Variants in AKT2 observed in about 807,000 individuals in gnomAD.
AKT2 encodes RAC-beta serine/threonine-protein kinase.
A neutral mutation model predicts 58.6 loss-of-function variants in AKT2; 16 were observed. The ratio of observed to expected loss-of-function variants is 0.27; its 90% CI spans 0.18 to 0.41. The LOEUF is 0.41. Among genes scored for constraint, AKT2 ranks in the 10% least tolerant of loss-of-function variants. The probability of loss-of-function intolerance (pLI) is 1.00; values close to 1 mark genes in which losing one functional copy is unlikely to be tolerated. For synonymous variants in AKT2, 253 were observed against 254.0 expected (o/e 1.00, Z 0.04); for missense variants, 438 against 661.0 (o/e 0.66, Z 3.70).
intron 1 of AKT2, chr19:40,282,941 C>T (rs1430942416): frequency 5.9e-6 from 1 of 168,198 alleles, no homozygotes; most frequent in African/African-American, 2.4e-5. Context: ...AGCTATGAGA[C>T]CTCTGGGAAA....
At chr19:40,267,381 C>T (rs938631934) in intron 1 of AKT2, among the ~76,000 whole-genome samples, 1 of 152,158 alleles carries the variant, frequency 6.6e-6, no homozygotes, top group Non-Finnish European at 1.5e-5. Flanking sequence ...AGCCTCTCCG[C>T]CCTACCTGAC....
At chr19:40,275,944 G>A (rs561268428) in intron 1 of AKT2, among the ~76,000 whole-genome samples, 1 of 151,492 alleles carries the variant, frequency 6.6e-6, no homozygotes, top group East Asian at 1.9e-4. Flanking sequence ...CCCGGGAGGC[G>A]GCGGTTGTAG....
intron 6 of AKT2, 189 bp from the exon 7 acceptor site, chr19:40,240,299 G>C (rs989003101): frequency 7.7e-6 from 6 of 775,662 alleles, no homozygotes; most frequent in Non-Finnish European, 1.2e-5. Context: ...GATCATCAGT[G>C]GCTCTCAAAG....
Position 40,231,702 on chromosome 19 carries a change from C to G in AKT2, c.*2170G>C. 1 of 233,492 alleles carries G rather than the reference C, an allele frequency of 4.3e-6. No homozygotes were observed. The highest frequency in any genetic ancestry group is 5.6e-5 in the Admixed American group (1 of 17,806). 14.5% of individuals were successfully genotyped at this position (233,492 alleles called of 1,614,324 possible). A position where few individuals can be genotyped will look rare whatever the true frequency, so the allele number is the denominator to read the frequency against. Reference sequence around the variant, plus strand: ...CGGCCAGCGCCCGGCCATGCAGCCACGTGACTCAAGCACGGGAAGTGCAGG... The same window carrying G: ...CGGCCAGCGCCCGGCCATGCAGCCAGGTGACTCAAGCACGGGAAGTGCAGG... On this transcript the variant is annotated 3_prime_UTR_variant, in exon 14 of 14. Coordinates refer to ENST00000392038, the MANE Select transcript of AKT2 (RefSeq NM_001626.6).
rs1974113871 is a variant in AKT2 at position 40,237,652 on chromosome 19, A to ATAAG, written c.831+316_831+317insCTTA. Reference sequence around the variant, plus strand: ...TCCTCAAAAATAAATAAATAAATAAATACAAATAAAGTAGGTATTGTGGCA... The same window carrying ATAAG: ...TCCTCAAAAATAAATAAATAAATAAATAAGTACAAATAAAGTAGGTATTGTGGCA... On this transcript the variant is annotated intron_variant, in intron 9 of 13. Transcript: ENST00000392038. This position sits in a 1 kb window ranked among gnomAD's most constrained non-coding sequence, Gnocchi z 4.5. 3.0e-6 allele frequency: 1 copy of ATAAG among 332,214 alleles called. No individual in the cohort carries two copies. Among genetic ancestry groups the ATAAG allele is most frequent in the African/African-American group, 2.1e-5 (1 of 47,190 alleles). 20.6% of individuals were successfully genotyped at this position (332,214 alleles called of 1,614,324 possible).
chr19:40,258,967 G>C (rs1437712024), intron 2 of AKT2, among the ~76,000 whole-genome samples: 3 of 151,878 alleles, frequency 2.0e-5, no homozygotes, highest in Admixed American at 2.0e-4. Flanking sequence ...TATTGAAAAA[G>C]AAAAATAAAG....
chr19:40,250,099 G>A (rs1975040196), intron 4 of AKT2, among the ~76,000 whole-genome samples: 1 of 152,232 alleles, frequency 6.6e-6, no homozygotes, highest in Admixed American at 6.5e-5. Flanking sequence ...TGCTTCTGGA[G>A]AGGTCGCTGG....
At chr19:40,252,854 G>A (rs1975263131) in intron 4 of AKT2, among the ~76,000 whole-genome samples, 1 of 152,068 alleles carries the variant, frequency 6.6e-6, no homozygotes, top group African/African-American at 2.4e-5. Flanking sequence ...TACACCCACT[G>A]GTCTCGATCT....
chr19:40,236,495 T>C, intron 9 of AKT2, 110 bp from the exon 10 acceptor site: 1 of 1,450,056 alleles, frequency 6.9e-7, no homozygotes, highest in Non-Finnish European at 9.5e-7. Flanking sequence ...AACCCTCCCA[T>C]GCCAGGCTGG....
Position 40,237,896 on chromosome 19 carries a change from C to A in AKT2, c.831+73G>T, listed in dbSNP as rs1599958304. ...CTGGCGAATGAGGGCAGAAGCTCAG[C>A]CCAACTTCCCCAGTGTGAGTCCCAT... is the stretch of plus-strand genomic sequence containing the variant. On this transcript the variant is annotated intron_variant, in intron 9 of 13. Coordinates refer to ENST00000392038, the MANE Select transcript of AKT2 (RefSeq NM_001626.6). This position sits in a 1 kb window ranked among gnomAD's most constrained non-coding sequence, Gnocchi z 4.5. 1 of 1,598,222 alleles carries A rather than the reference C, an allele frequency of 6.3e-7. No homozygotes were observed. Among genetic ancestry groups the A allele is most frequent in the East Asian group, 2.3e-5 (1 of 44,426 alleles).
In AKT2 at chr19:40,236,012, G is replaced by T; in HGVS notation, c.1053C>A (p.Tyr351Ter). The change falls in exon 11 of 14, where the codon TAC becomes TAA. Residue 351 changes from tyrosine (Y) to a stop codon, truncating the protein, a stop_gained. Coordinates refer to ENST00000392038, the MANE Select transcript of AKT2 (RefSeq NM_001626.6). LOFTEE classifies it high-confidence loss of function. ...YEMMCGRLPF[Y>*]NQDHERLFEL... ...CGAAGAGGCGCTCGTGGTCCTGGTT[G>T]TAGAAGGGCAGGCGGCCGCACATCA... is the stretch of plus-strand genomic sequence containing the variant. 1.2e-6 allele frequency: 2 copies of T among 1,614,144 alleles called. No individual in the cohort carries two copies. The highest frequency in any genetic ancestry group is 1.7e-6 in the Non-Finnish European group (2 of 1,180,024).
chr19:40,275,764 T>TGGGGGGGGGGGGGGGGG (rs1004974778), intron 1 of AKT2, among the ~76,000 whole-genome samples: 3 of 4,738 alleles, frequency 6.3e-4, no homozygotes, highest in Admixed American at 2.7e-3. Context: ...TTTGGGAGGC[T>TGGGGGGGGGGGGGGGGG]GGGGGGGGGG....
At chr19:40,256,790 GAAGGGTGAAAACAGATCC>G in intron 3 of AKT2, 118 bp downstream of exon 3, 2 of 1,351,346 alleles carry the variant, frequency 1.5e-6, no homozygotes, top group South Asian at 1.2e-5. Flanking sequence ...GAGAGCAGGG[GAAGGGTGAAAACAGATCC>G]AAGGGCAAGC....
At chr19:40,253,373 T>A (rs914754393) in intron 4 of AKT2, among the ~76,000 whole-genome samples, 1 of 152,140 alleles carries the variant, frequency 6.6e-6, no homozygotes, top group East Asian at 1.9e-4. Flanking sequence ...AAGAAACATT[T>A]CCCACTGATT....
intron 1 of AKT2, among the ~76,000 whole-genome samples, chr19:40,281,633 G>C (rs1175437618): frequency 6.6e-6 from 1 of 152,226 alleles, no homozygotes; most frequent in Non-Finnish European, 1.5e-5. Flanking sequence ...TGACTTGATT[G>C]CATGTCTCCC....
At chr19:40,276,344 T>C (rs149443600) in intron 1 of AKT2, among the ~76,000 whole-genome samples, 14,747 of 95,978 alleles carry the variant, frequency 0.15, 1,113 homozygotes, top group Admixed American at 0.28. Context: ...TAAAATGGAA[T>C]CTTTTTTTTT....
chr19:40,244,644 T>C (rs1974633827), intron 4 of AKT2, among the ~76,000 whole-genome samples: 1 of 151,992 alleles, frequency 6.6e-6, no homozygotes, highest in African/African-American at 2.4e-5. Flanking sequence ...ACAAGAAAAA[T>C]AAAATGTTCA....
At chr19:40,262,392 AAG>A (rs1269080033) in intron 2 of AKT2, among the ~76,000 whole-genome samples, 2 of 152,206 alleles carry the variant, frequency 1.3e-5, no homozygotes, top group Non-Finnish European at 2.9e-5. Flanking sequence ...CAGAATTGGA[AAG>A]CACAGCCCAC....
At chr19:40,276,191 T>A (rs970547594) in intron 1 of AKT2, among the ~76,000 whole-genome samples, 2 of 151,082 alleles carry the variant, frequency 1.3e-5, no homozygotes, top group African/African-American at 4.9e-5. Context: ...CTATACCCCA[T>A]CTCTCCCGCA....
Sources: gnomAD v4.1 joint callset for allele counts (sites outside exome capture counted in the v4.1 genomes callset) on GRCh38, gnomAD v4.1.1 for gene constraint, Gnocchi (gnomAD v3.1) non-coding constraint, MANE v1.5 for transcripts, NCBI Gene and HGNC (gene_info 2026-07-23, HGNC 2026-07-21) for gene names.